ZFYVE28: variants seen among roughly 807,000 people sequenced by gnomAD.
The protein encoded by ZFYVE28 is zinc finger FYVE-type containing 28, also known as lateral signaling target protein 2 homolog.
A neutral mutation model predicts 82.1 loss-of-function variants in ZFYVE28; 40 were observed. The ratio of observed to expected loss-of-function variants is 0.49; its 90% CI spans 0.38 to 0.63. ZFYVE28 has a LOEUF of 0.63. Among genes scored for constraint, ZFYVE28 ranks in the 30% least tolerant of loss-of-function variants. The pLI is 0.00. For synonymous variants in ZFYVE28, 612 were observed against 546.1 expected (o/e 1.12, Z -1.68); for missense variants, 1,321 against 1,242.1 (o/e 1.06, Z -0.96).
intron 1 of ZFYVE28, among the ~76,000 whole-genome samples, chr4:2,366,029 A>C (rs1223320484): frequency 6.6e-6 from 1 of 152,146 alleles, no homozygotes; most frequent in Non-Finnish European, 1.5e-5. Flanking sequence ...CCTCACTGTG[A>C]ACTCAGGTGG....
intron 1 of ZFYVE28, chr4:2,364,980 G>T: frequency 1.2e-6 from 1 of 851,266 alleles, no homozygotes; most frequent in Non-Finnish European, 1.4e-6. Flanking sequence ...TGTCCCGGGC[G>T]CACGCGGGGG....
intron 6 of ZFYVE28, among the ~76,000 whole-genome samples, chr4:2,328,000 G>C (rs949434962): frequency 2.0e-5 from 3 of 152,082 alleles, no homozygotes; most frequent in Admixed American, 6.6e-5. Flanking sequence ...CAGTATAGAG[G>C]TTCCTCAAAA....
In ZFYVE28 at chr4:2,371,105, C is replaced by T. The variant is rs143462541; in HGVS notation, c.40-17032G>A. 3.3e-5 allele frequency among the ~76,000 whole-genome samples: 5 copies of T among 152,188 alleles called. No individual in the cohort carries two copies. In the South Asian group the frequency reaches 8.3e-4, roughly 25 times the overall value. Reference sequence around the variant, plus strand: ...CTCCTTAGGAGAAGTTGCAGGTGGGCGACTTGGAGCTGGAGAGAAGATGGG... The same window carrying T: ...CTCCTTAGGAGAAGTTGCAGGTGGGTGACTTGGAGCTGGAGAGAAGATGGG... On this transcript the variant is annotated intron_variant, in intron 1 of 12. Coordinates refer to ENST00000290974, the MANE Select transcript of ZFYVE28 (RefSeq NM_020972.3).
At chr4:2,343,117 A>C (rs1397380618) in intron 2 of ZFYVE28, 1 of 152,148 alleles carries the variant, frequency 6.6e-6, no homozygotes, top group African/African-American at 2.4e-5. Context: ...CGATGTGCCT[A>C]ATCCTCCACC....
intron 1 of ZFYVE28, among the ~76,000 whole-genome samples, chr4:2,404,857 CT>C (rs11404626): frequency 6.8e-4 from 75 of 110,984 alleles, no homozygotes; most frequent in African/African-American, 1.3e-3. Context: ...CAGTCTCGCT[CT>C]TTTTTTTTTT....
intron 1 of ZFYVE28, among the ~76,000 whole-genome samples, chr4:2,355,396 C>T (rs1488728138): frequency 6.8e-6 from 1 of 146,178 alleles, no homozygotes; most frequent in Non-Finnish European, 1.5e-5. Context: ...ATTCTCCTGC[C>T]TCAGCCTCCC....
intron 1 of ZFYVE28, among the ~76,000 whole-genome samples, chr4:2,390,402 C>T (rs960912921): frequency 5.9e-5 from 9 of 152,166 alleles, no homozygotes; most frequent in South Asian, 2.1e-4. Context: ...GAAACGAATA[C>T]AGGCAGGGCC....
chr4:2,290,606 T>TG (rs774670583), intron 8 of ZFYVE28, among the ~76,000 whole-genome samples: 23 of 152,256 alleles, frequency 1.5e-4, no homozygotes, highest in African/African-American at 3.6e-4. Flanking sequence ...ACCTGCCCCC[T>TG]GGCCCCAGAG....
chr4:2,350,571 G>C (rs1344285245), intron 2 of ZFYVE28, among the ~76,000 whole-genome samples: 2 of 152,322 alleles, frequency 1.3e-5, no homozygotes, highest in Admixed American at 1.3e-4. Context: ...TCTCCAGAGT[G>C]ATAGGAGTTC....
At chr4:2,350,853 A>T (rs1410311222) in intron 2 of ZFYVE28, among the ~76,000 whole-genome samples, 1 of 152,156 alleles carries the variant, frequency 6.6e-6, no homozygotes, top group Non-Finnish European at 1.5e-5. Flanking sequence ...AGAAGGGCAC[A>T]CCCCAACTCC....
chr4:2,338,130 T>A (rs545670895), intron 4 of ZFYVE28, among the ~76,000 whole-genome samples: 5 of 152,214 alleles, frequency 3.3e-5, no homozygotes, highest in African/African-American at 1.2e-4. Flanking sequence ...CACGGGTGGG[T>A]GAACAACCCG....
At position 2,320,787 on chromosome 4, in the gene ZFYVE28, C is replaced by T. The variant is rs1718958100; in HGVS notation, c.702-516G>A. Among the ~76,000 whole-genome samples, 1 of 152,182 alleles carries T rather than the reference C, an allele frequency of 6.6e-6. No individual in the cohort carries two copies. The highest frequency in any genetic ancestry group is 1.5e-5 in the Non-Finnish European group (1 of 68,030). ...ACAAGCCACGAGACCAAAGCAGCCT[C>T]CCCTCATCCCCCACACAGGACCCAC... On this transcript the variant is annotated intron_variant, in intron 6 of 12. Coordinates refer to ENST00000290974, the MANE Select transcript of ZFYVE28 (RefSeq NM_020972.3). This position sits in a 1 kb window ranked among gnomAD's most constrained non-coding sequence, Gnocchi z 5.1.
At chr4:2,383,791 T>G (rs910280402) in intron 1 of ZFYVE28, among the ~76,000 whole-genome samples, 1 of 152,178 alleles carries the variant, frequency 6.6e-6, no homozygotes, top group Non-Finnish European at 1.5e-5. Context: ...AATATTCTAT[T>G]CCTAAGAGAC....
chr4:2,414,384 G>A (rs1732821245), intron 1 of ZFYVE28, among the ~76,000 whole-genome samples: 1 of 152,242 alleles, frequency 6.6e-6, no homozygotes, highest in Admixed American at 6.5e-5. Flanking sequence ...TCTTGGCAAA[G>A]GCCATGTCAT....
At chr4:2,393,164 C>T (rs1050687232) in intron 1 of ZFYVE28, among the ~76,000 whole-genome samples, 1 of 152,240 alleles carries the variant, frequency 6.6e-6, no homozygotes, top group African/African-American at 2.4e-5. Flanking sequence ...CACAGCTCCT[C>T]GGCCCGTGGA....
chr4:2,409,230 C>G lies in ZFYVE28; in HGVS notation c.39+9055G>C, dbSNP rs2108684700. On this transcript the variant is annotated intron_variant, in intron 1 of 12. Coordinates refer to ENST00000290974, the MANE Select transcript of ZFYVE28 (RefSeq NM_020972.3). This position sits in a 1 kb window ranked among gnomAD's most constrained non-coding sequence, Gnocchi z 4.4. Reference sequence around the variant, plus strand: ...CCATCCCCAAACAGCACCTCTCCCCCAGCCAGGTCCCACCCCCACCAGGCC... The same window carrying G: ...CCATCCCCAAACAGCACCTCTCCCCGAGCCAGGTCCCACCCCCACCAGGCC... 6.6e-6 allele frequency among the ~76,000 whole-genome samples: 1 copy of G among 152,056 alleles called. No individual in the cohort carries two copies. Among genetic ancestry groups the G allele is most frequent in the African/African-American group, 2.4e-5 (1 of 41,474 alleles).
chr4:2,417,497 G>A lies in ZFYVE28; in HGVS notation c.39+788C>T, dbSNP rs1733206321. ...CGGCGCTAGGAGAGGCGCGGGCGCC[G>A]GCTGGAGAGCCGCACCTCCCGCCCC... On this transcript the variant is annotated intron_variant, in intron 1 of 12. Transcript: ENST00000290974. The surrounding 1 kb of genome is among the most constrained non-coding windows in gnomAD (Gnocchi z 4.8). 6.6e-6 allele frequency among the ~76,000 whole-genome samples: 1 copy of A among 151,360 alleles called. No homozygotes were observed. The highest frequency in any genetic ancestry group is 2.1e-4 in the South Asian group (1 of 4,830).
In ZFYVE28 at chr4:2,300,294, G is replaced by A. The variant is rs984706086; in HGVS notation, c.2051+3995C>T. On this transcript the variant is annotated intron_variant, in intron 8 of 12. Coordinates refer to ENST00000290974, the MANE Select transcript of ZFYVE28 (RefSeq NM_020972.3). The surrounding 1 kb of genome is among the most constrained non-coding windows in gnomAD (Gnocchi z 4.6). ...GTAACTTCCAAGGGTGACTTCGAGAGGACGGAAGGTTCTGGATCAAAGAGG... is the reference window on the plus strand; with the variant it reads ...GTAACTTCCAAGGGTGACTTCGAGAAGACGGAAGGTTCTGGATCAAAGAGG... Among the ~76,000 whole-genome samples the A allele has an allele frequency of 2.0e-5, 3 of 152,168 alleles. No homozygotes were observed. Among genetic ancestry groups the A allele is most frequent in the African/African-American group, 7.2e-5 (3 of 41,438 alleles).
intron 1 of ZFYVE28, among the ~76,000 whole-genome samples, chr4:2,379,795 CTT>C (rs559864898): frequency 2.7e-5 from 4 of 149,830 alleles, no homozygotes; most frequent in Non-Finnish European, 5.9e-5. Context: ...AATTTTCACA[CTT>C]TTTTTTTTGA....
Sources: allele counts gnomAD v4.1 joint callset (sites outside exome capture counted in the v4.1 genomes callset), GRCh38; gene constraint gnomAD v4.1.1; non-coding constraint Gnocchi (gnomAD v3.1); transcripts MANE v1.5; gene names NCBI Gene and HGNC (gene_info 2026-07-23, HGNC 2026-07-21).